The following ANKIB1 variants were observed in gnomAD, a reference collection of about 807,000 sequenced individuals.
ANKIB1 encodes the protein ankyrin repeat and IBR domain containing 1, also known as ankyrin repeat and IBR domain-containing protein 1.
Under a neutral mutation model 122.1 loss-of-function variants are expected in ANKIB1, and 43 were observed. The observed-to-expected ratio is 0.35, with a 90% confidence interval of 0.28 to 0.45. The LOEUF is 0.45. Ranked by LOEUF, ANKIB1 falls within the 20% of genes least tolerant of loss-of-function variation. ANKIB1 has a pLI of 1.00. For synonymous variants in ANKIB1, 390 were observed against 442.0 expected (o/e 0.88, Z 1.48); for missense variants, 992 against 1,329.5 (o/e 0.75, Z 3.95).
chr7:92,311,090 A>C (rs1802683132), intron 3 of ANKIB1, among the ~76,000 whole-genome samples: 1 of 152,116 alleles, frequency 6.6e-6, no homozygotes, highest in Admixed American at 6.5e-5. Context: ...CATTGCTTTT[A>C]GTCTTTGGCT....
rs1378161315 is a variant in ANKIB1, at chr7:92,380,296, TG to T, written c.1618-6208del. Among the ~76,000 whole-genome samples, 2 of 152,138 alleles carry T rather than the reference TG, an allele frequency of 1.3e-5. 1 individual carries two copies. Among genetic ancestry groups the T allele is most frequent in the South Asian group, 4.1e-4 (2 of 4,830 alleles). On this transcript the variant is annotated intron_variant, in intron 11 of 19. Coordinates refer to ENST00000265742, the MANE Select transcript of ANKIB1 (RefSeq NM_019004.2). Reference sequence around the variant, plus strand: ...CCCCTGCTTCTGTAGACTCCACCTCTGGGGGCAGGGCATAGCTGAACAAAAG... The same window carrying T: ...CCCCTGCTTCTGTAGACTCCACCTCTGGGGCAGGGCATAGCTGAACAAAAG...
chr7:92,370,463 G>T (rs945550054), intron 10 of ANKIB1, among the ~76,000 whole-genome samples: 1 of 129,996 alleles, frequency 7.7e-6, no homozygotes, highest in African/African-American at 2.9e-5. Context: ...AGCCGAGATC[G>T]AGCCACTGCA....
At chr7:92,397,251 G>A (rs968661619) in intron 18 of ANKIB1, among the ~76,000 whole-genome samples, 1 of 152,098 alleles carries the variant, frequency 6.6e-6, no homozygotes. Context: ...ACTTTGGGAG[G>A]CCAAGGTGTG....
intron 1 of ANKIB1, among the ~76,000 whole-genome samples, chr7:92,260,446 A>G (rs1801540712): frequency 6.6e-6 from 1 of 152,098 alleles, no homozygotes. Flanking sequence ...GGGAGGCTGA[A>G]GCAGGAGAAT....
rs960795554 is a variant in ANKIB1 at position 92,326,867 on chromosome 7, C to T, written c.670-916C>T. On this transcript the variant is annotated intron_variant, in intron 4 of 19. Coordinates refer to ENST00000265742, the MANE Select transcript of ANKIB1 (RefSeq NM_019004.2). ...CAGGCTAGACTGCAGTGGCTATTCA[C>T]CGGCATGTTTATAGCACACTACAGC... Among the ~76,000 whole-genome samples, 2 of 152,046 alleles carry T rather than the reference C, an allele frequency of 1.3e-5. 1 individual carries two copies. The highest frequency in any genetic ancestry group is 1.3e-4 in the Admixed American group (2 of 15,258).
At chr7:92,334,895 A>G (rs181920589) in intron 5 of ANKIB1, among the ~76,000 whole-genome samples, 1 of 151,870 alleles carries the variant, frequency 6.6e-6, no homozygotes, top group African/African-American at 2.4e-5. Flanking sequence ...GCATCCTTCA[A>G]ATATGCCCTT....
chr7:92,391,161 T>C lies in ANKIB1; in HGVS notation c.2053-5T>C. 1 of 1,605,706 alleles carries C rather than the reference T, an allele frequency of 6.2e-7. No homozygotes were observed. The highest frequency in any genetic ancestry group is 1.1e-5 in the South Asian group (1 of 89,602). On this transcript the variant is annotated splice_region_variant and splice_polypyrimidine_tract_variant and intron_variant, in intron 15 of 19. Coordinates refer to ENST00000265742, the MANE Select transcript of ANKIB1 (RefSeq NM_019004.2). ...TGATTTTTTTTTTTTCTCTGCTTAC[T>C]ATAGACAGACCTAGAAATGGTCACT...
intron 3 of ANKIB1, among the ~76,000 whole-genome samples, chr7:92,314,650 C>G (rs1455193647): frequency 1.3e-5 from 2 of 152,234 alleles, no homozygotes; most frequent in African/African-American, 4.8e-5. Flanking sequence ...ATACATACCT[C>G]TTACAGTCCC....
chr7:92,259,739 C>T (rs1001066304), intron 1 of ANKIB1, among the ~76,000 whole-genome samples: 1 of 152,118 alleles, frequency 6.6e-6, no homozygotes, highest in Non-Finnish European at 1.5e-5. Context: ...CAGATTTTCC[C>T]TCACATGCCC....
chr7:92,376,739 G>A lies in ANKIB1; in HGVS notation c.1617+5132G>A, dbSNP rs185571441. Reference sequence around the variant, plus strand: ...GCTAGGATTACAGGCGTGAGCCACCGTGCCCGGCCTACCTTGCACTTTTAT... The same window carrying A: ...GCTAGGATTACAGGCGTGAGCCACCATGCCCGGCCTACCTTGCACTTTTAT... On this transcript the variant is annotated intron_variant, in intron 11 of 19. Transcript: ENST00000265742. 7.9e-5 allele frequency among the ~76,000 whole-genome samples: 12 copies of A among 152,104 alleles called. No homozygotes were observed. The East Asian group carries it at 1.6e-3, about 20-fold the overall frequency.
intron 8 of ANKIB1, 43 bp downstream of exon 8, chr7:92,351,137 G>T: frequency 3.6e-6 from 5 of 1,389,254 alleles, no homozygotes; most frequent in African/African-American, 3.0e-5. Context: ...CCATAATTTT[G>T]ATTTTATTAA....
intron 3 of ANKIB1, among the ~76,000 whole-genome samples, chr7:92,316,385 C>G (rs1445706384): frequency 6.6e-6 from 1 of 152,250 alleles, no homozygotes; most frequent in South Asian, 2.1e-4. Context: ...GACTTTATGC[C>G]GTAAAGGTCA....
chr7:92,296,070 T>C (rs1562774111), intron 2 of ANKIB1, among the ~76,000 whole-genome samples: 1 of 152,192 alleles, frequency 6.6e-6, no homozygotes. Context: ...CTTTTTCCTG[T>C]TTCTTCCGTG....
At chr7:92,384,737 A>G (rs1276050394) in intron 11 of ANKIB1, among the ~76,000 whole-genome samples, 1 of 152,158 alleles carries the variant, frequency 6.6e-6, no homozygotes, top group African/African-American at 2.4e-5. Context: ...AAATTAATTC[A>G]CGATGCATTA....
At chr7:92,364,213 T>G (rs1804017919) in intron 10 of ANKIB1, among the ~76,000 whole-genome samples, 1 of 144,104 alleles carries the variant, frequency 6.9e-6, no homozygotes, top group Admixed American at 7.7e-5. Context: ...CTCAGGAGGC[T>G]AAGGCAGGAG....
At chr7:92,284,114 A>G (rs1424729897) in intron 1 of ANKIB1, among the ~76,000 whole-genome samples, 1 of 152,164 alleles carries the variant, frequency 6.6e-6, no homozygotes, top group Non-Finnish European at 1.5e-5. Flanking sequence ...TAACATTTCA[A>G]TATAATATTT....
At chr7:92,281,709 A>G (rs1237657869) in intron 1 of ANKIB1, among the ~76,000 whole-genome samples, 1 of 152,226 alleles carries the variant, frequency 6.6e-6, no homozygotes, top group Non-Finnish European at 1.5e-5. Context: ...ATGGTGGAGG[A>G]CACAGCAAAA....
chr7:92,345,240 C>T (rs543233200), intron 7 of ANKIB1, among the ~76,000 whole-genome samples, 174 bp downstream of exon 7: 6 of 152,252 alleles, frequency 3.9e-5, no homozygotes, highest in Admixed American at 1.3e-4. Context: ...TTTATTTTTA[C>T]GTCTTCCCCA....
chr7:92,396,483 C>T lies in ANKIB1; in HGVS notation c.2395+7C>T, dbSNP rs1164171139. 1 of 1,391,454 alleles carries T rather than the reference C, an allele frequency of 7.2e-7. No homozygotes were observed. Among genetic ancestry groups the T allele is most frequent in the Non-Finnish European group, 1.0e-6 (1 of 996,230 alleles). 86.2% of individuals were successfully genotyped at this position (1,391,454 alleles called of 1,614,324 possible). ...CCAAGTGAAAGCACTTTAGGTAAGT[C>T]CTTGCATTGAGTATGGTTTAATCTC... On this transcript the variant is annotated splice_region_variant and intron_variant, in intron 18 of 19. Coordinates refer to ENST00000265742, the MANE Select transcript of ANKIB1 (RefSeq NM_019004.2).
Sources: allele counts gnomAD v4.1 joint callset (sites outside exome capture counted in the v4.1 genomes callset), GRCh38; gene constraint gnomAD v4.1.1; transcripts MANE v1.5; gene names NCBI Gene and HGNC (gene_info 2026-07-23, HGNC 2026-07-21).